CDK12: variants seen among roughly 807,000 people sequenced by gnomAD.
The protein encoded by CDK12 is cyclin dependent kinase 12.
Under a neutral mutation model 133.8 loss-of-function variants are expected in CDK12, and 17 were observed. That is an observed-to-expected ratio of 0.13 (90% confidence interval 0.09 to 0.19). The LOEUF is 0.19. CDK12 is among the 10% of genes least tolerant of loss of function. The probability of loss-of-function intolerance (pLI) is 1.00; values close to 1 mark genes in which losing one functional copy is unlikely to be tolerated. For synonymous variants in CDK12, 694 were observed against 683.6 expected, an observed-to-expected ratio of 1.02 and a Z score of -0.24; for missense variants, 1,508 against 1,818.7, an observed-to-expected ratio of 0.83 and a Z score of 3.11.
At chr17:39,520,735 T>G (rs2054113538) in intron 11 of CDK12, among the ~76,000 whole-genome samples, 1 of 151,594 alleles carries the variant, frequency 6.6e-6, no homozygotes. Flanking sequence ...GGAATCTTGC[T>G]CTGCCTCCTC....
chr17:39,484,974 T>A (rs1044796464), intron 2 of CDK12, among the ~76,000 whole-genome samples: 2 of 151,874 alleles, frequency 1.3e-5, no homozygotes, highest in African/African-American at 4.8e-5. Flanking sequence ...ATCGAGACCA[T>A]CCTGGCTAAC....
intron 8 of CDK12, among the ~76,000 whole-genome samples, chr17:39,515,372 C>T (rs2053737441): frequency 6.6e-6 from 1 of 152,116 alleles, no homozygotes; most frequent in Non-Finnish European, 1.5e-5. Context: ...CTGCAGAGAG[C>T]ATCCTTGTTT....
intron 6 of CDK12, among the ~76,000 whole-genome samples, chr17:39,508,319 A>G (rs933100383): frequency 6.6e-6 from 1 of 152,164 alleles, no homozygotes; most frequent in Admixed American, 6.6e-5. Context: ...GCTTCCTATA[A>G]GACAGTGAGC....
intron 2 of CDK12, among the ~76,000 whole-genome samples, chr17:39,478,924 T>C (rs892271610): frequency 1.3e-5 from 2 of 152,178 alleles, no homozygotes; most frequent in African/African-American, 4.8e-5. Context: ...TGTGTGCTGC[T>C]ATATCCATGT....
At chr17:39,522,724 G>A (rs1401118544) in intron 11 of CDK12, among the ~76,000 whole-genome samples, 1 of 152,088 alleles carries the variant, frequency 6.6e-6, no homozygotes, top group East Asian at 2.0e-4. Flanking sequence ...GTGAGCTACC[G>A]CACCCAGCCA....
chr17:39,558,634 C>CATTTT (rs1597721820), intron 3 of CDK12, among the ~76,000 whole-genome samples: 1 of 152,104 alleles, frequency 6.6e-6, no homozygotes, highest in African/African-American at 2.4e-5. Flanking sequence ...AAACTTCATG[C>CATTTT]ATTTTATTTT....
In CDK12 at chr17:39,462,772, A is replaced by G. The variant is rs774433269; in HGVS notation, c.701A>G (p.Asp234Gly). 6.8e-6 allele frequency: 11 copies of G among 1,614,044 alleles called. No individual in the cohort carries two copies. Among genetic ancestry groups the G allele is most frequent in the Non-Finnish European group, 9.3e-6 (11 of 1,180,040 alleles). ...AAGTGGTCTGACAGCTCCAAACAAG[A>G]TGATAGCCCCTCGGGAGCTTCTTAT... ...HRKWSDSSKQ[D>G]DSPSGASYGQ... Residue 234 changes from aspartate to glycine, a missense_variant, in exon 1 of 14, where the codon GAT becomes GGT. Around this residue, in one of 9 missense-constraint regions of CDK12, gnomAD observed 460 missense variants for 490.8 expected, o/e 0.94. Transcript: ENST00000447079.
At chr17:39,481,630 CGCG>C (rs1247148779) in intron 2 of CDK12, among the ~76,000 whole-genome samples, 5 of 38,246 alleles carry the variant, frequency 1.3e-4, no homozygotes, top group Non-Finnish European at 3.3e-4. Flanking sequence ...TGCTCGCTCG[CGCG>C]CTCTCTCTCT....
At chr17:39,561,846 C>T (rs913288476) in intron 3 of CDK12, among the ~76,000 whole-genome samples, 14 of 152,214 alleles carry the variant, frequency 9.2e-5, no homozygotes, top group African/African-American at 2.7e-4. Flanking sequence ...AACAGCATAT[C>T]TCCCAGTGGT....
intron 8 of CDK12, 105 bp downstream of exon 8, chr17:39,511,735 A>G (rs2053517980): frequency 5.4e-6 from 3 of 551,004 alleles, no homozygotes; most frequent in Non-Finnish European, 9.2e-6. Context: ...TAAGTTCAGA[A>G]GGATGGCGAT....
chr17:39,506,462 C>T (rs2053136284), intron 6 of CDK12, among the ~76,000 whole-genome samples: 1 of 151,532 alleles, frequency 6.6e-6, no homozygotes, highest in South Asian at 2.1e-4. Context: ...GTGATCCACC[C>T]ACCTCAGCCT....
intron 1 of CDK12, among the ~76,000 whole-genome samples, chr17:39,468,590 T>A (rs1214609256): frequency 1.3e-5 from 2 of 151,538 alleles, no homozygotes; most frequent in African/African-American, 2.4e-5. Context: ...GTTCTCCTGC[T>A]TCAGCCTCCC....
intron 1 of CDK12, among the ~76,000 whole-genome samples, chr17:39,467,854 G>A (rs775831912): frequency 4.0e-4 from 60 of 151,402 alleles, no homozygotes; most frequent in Middle Eastern, 3.4e-3. Flanking sequence ...TCATGTTTGC[G>A]TTGTTGTTTT....
chr17:39,520,054 A>G lies in CDK12; in HGVS notation c.3062A>G (p.Lys1021Arg). 6.2e-7 allele frequency: 1 copy of G among 1,614,048 alleles called. No individual in the cohort carries two copies. Among genetic ancestry groups the G allele is most frequent in the Non-Finnish European group, 8.5e-7 (1 of 1,179,988 alleles). Reference sequence around the variant, plus strand: ...CAGACCCTACAGAGCGACTTCCTTAAAGATGTCGAACTCAGCAAAATGGCT... The same window carrying G: ...CAGACCCTACAGAGCGACTTCCTTAGAGATGTCGAACTCAGCAAAATGGCT... Reference protein sequence around the residue: ...AEQTLQSDFLKDVELSKMAPP... With the variant: ...AEQTLQSDFLRDVELSKMAPP... Residue 1021 changes from lysine to arginine, a missense_variant, in exon 11 of 14, where the codon AAA becomes AGA. Coordinates refer to ENST00000447079, the MANE Select transcript of CDK12 (RefSeq NM_016507.4).
At chr17:39,489,055 G>A (rs1194105546) in intron 2 of CDK12, among the ~76,000 whole-genome samples, 3 of 150,056 alleles carry the variant, frequency 2.0e-5, no homozygotes, top group Admixed American at 6.7e-5. Flanking sequence ...CGAGTAGCTG[G>A]AATTACACCA....
At chr17:39,540,176 A>T (rs759055976) in intron 1 of CDK12, among the ~76,000 whole-genome samples, 4 of 152,252 alleles carry the variant, frequency 2.6e-5, no homozygotes, top group Non-Finnish European at 5.9e-5. Context: ...CATAGGAATT[A>T]GCAAGGCTTG....
At chr17:39,490,841 G>C in intron 3 of CDK12, 108 bp downstream of exon 3, 1 of 756,544 alleles carries the variant, frequency 1.3e-6, no homozygotes, top group Non-Finnish European at 2.0e-6. Context: ...GTAGAAGTTT[G>C]GTCCCAAAGT....
In CDK12 at chr17:39,532,102, TTCTCTCTCTCTCTCTCTC is replaced by T. The variant is rs71843922; in HGVS notation, c.*810_*827del. ...GCTGATGTGTGCTCTCTCTCTCTCT[TTCTCTCTCTCTCTCTCTC>T]TCTCTCTCTCTCTCTCTCTCTCTGT... On this transcript the variant is annotated 3_prime_UTR_variant, in exon 14 of 14. Coordinates refer to ENST00000447079, the MANE Select transcript of CDK12 (RefSeq NM_016507.4). 4.6e-6 allele frequency: 1 copy of T among 216,786 alleles called. No individual in the cohort carries two copies. The highest frequency in any genetic ancestry group is 8.8e-6 in the Non-Finnish European group (1 of 114,058). 13.4% of individuals were successfully genotyped at this position (216,786 alleles called of 1,614,324 possible).
At chr17:39,468,456 T>C (rs913433496) in intron 1 of CDK12, among the ~76,000 whole-genome samples, 2 of 152,102 alleles carry the variant, frequency 1.3e-5, no homozygotes, top group Non-Finnish European at 2.9e-5. Context: ...TGTCCAATTA[T>C]GCTTTTAATA....
Sources: gnomAD v4.1 joint callset for allele counts (sites outside exome capture counted in the v4.1 genomes callset) on GRCh38, gnomAD v4.1.1 for gene constraint, gnomAD v4.1.1 regional missense constraint, MANE v1.5 for transcripts, NCBI Gene and HGNC (gene_info 2026-07-23, HGNC 2026-07-21) for gene names.